Variants in ADGRE3 observed in about 807,000 individuals in gnomAD.
ADGRE3 encodes EGF-like module receptor 3.
ADGRE3 carries 88 observed loss-of-function variants against 80.1 expected under a neutral mutation model. The observed-to-expected ratio is 1.10, with a 90% confidence interval of 0.93 to 1.31. The LOEUF is 1.31. Ranked by LOEUF, ADGRE3 falls within the 40% of genes most tolerant of loss-of-function variation. The pLI is 0.00. For missense variants in ADGRE3, 715 were observed against 776.5 expected, an observed-to-expected ratio of 0.92 and a Z score of 0.94; for synonymous variants, 281 against 294.8, an observed-to-expected ratio of 0.95 and a Z score of 0.48.
At chr19:14,633,334 A>T in intron 11 of ADGRE3, 32 bp from the exon 12 acceptor site, 1 of 1,543,392 alleles carries the variant, frequency 6.5e-7, no homozygotes, top group Non-Finnish European at 8.9e-7. Context: ...ATACAAAGAG[A>T]GATCAGAGAA....
downstream of ADGRE3, among the ~76,000 whole-genome samples, chr19:14,616,213 G>C (rs1208880568): frequency 6.6e-6 from 1 of 152,048 alleles, no homozygotes; most frequent in Non-Finnish European, 1.5e-5. Flanking sequence ...CTCGTGATCT[G>C]CCCATCTCGG....
intron 5 of ADGRE3, among the ~76,000 whole-genome samples, chr19:14,655,978 A>G (rs1291090696): frequency 1.3e-5 from 2 of 152,024 alleles, no homozygotes; most frequent in African/African-American, 4.8e-5. Flanking sequence ...AGAGTTTGTC[A>G]TCTTGCGCCA....
In ADGRE3 at chr19:14,638,304, G is replaced by T; in HGVS notation, c.1285C>A (p.Leu429Ile). ...CSIIAGALHY[L>I]YLAAFTWMLL... Reference sequence around the variant, plus strand: ...ATCCAGGTGAAGGCGGCCAGGTAGAGATAGTGCAAAGCACCGGCGATGATG... The same window carrying T: ...ATCCAGGTGAAGGCGGCCAGGTAGATATAGTGCAAAGCACCGGCGATGATG... The change falls in exon 11 of 16, where the codon CTC becomes ATC. Residue 429 changes from leucine (L) to isoleucine (I), a missense_variant. By Grantham distance (5) the Leu-to-Ile change is conservative (BLOSUM62 2). Coordinates refer to ENST00000253673, the MANE Select transcript of ADGRE3 (RefSeq NM_032571.5). The T allele has an allele frequency of 2.5e-6, 4 of 1,614,166 alleles. No individual in the cohort carries two copies. Among genetic ancestry groups the T allele is most frequent in the Non-Finnish European group, 3.4e-6 (4 of 1,180,008 alleles).
chr19:14,644,357 G>A (rs1305306988), intron 8 of ADGRE3, 82 bp from the exon 9 acceptor site: 1 of 1,110,464 alleles, frequency 9.0e-7, no homozygotes, highest in Non-Finnish European at 1.2e-6. Context: ...ATCTTGCTTT[G>A]TTACTCAGGC....
the ADGRE3 span, among the ~76,000 whole-genome samples, chr19:14,612,588 G>T: frequency 6.6e-6 from 1 of 152,042 alleles, no homozygotes; most frequent in Non-Finnish European, 1.5e-5. Flanking sequence ...GCCCACCTTG[G>T]TCCCCCAAAG....
chr19:14,636,164 T>TCCTTCCTTCCTTTCC (rs1381150522), intron 11 of ADGRE3, among the ~76,000 whole-genome samples: 6 of 71,292 alleles, frequency 8.4e-5, no homozygotes, highest in East Asian at 3.5e-4. Context: ...CTTTCCTCCT[T>TCCTTCCTTCCTTTCC]TCCTTTCCTT....
At chr19:14,601,122 C>T in the ADGRE3 span, among the ~76,000 whole-genome samples, 4 of 151,702 alleles carry the variant, frequency 2.6e-5, no homozygotes, top group South Asian at 4.2e-4. Context: ...AGGCTGTTCT[C>T]GAACTCCTGA....
chr19:14,606,458 C>A, the ADGRE3 span, among the ~76,000 whole-genome samples: 1 of 151,504 alleles, frequency 6.6e-6, no homozygotes, highest in Non-Finnish European at 1.5e-5. Context: ...GCAGGTGAAT[C>A]AACTGAGGTC....
the ADGRE3 span, among the ~76,000 whole-genome samples, chr19:14,609,506 G>A: frequency 6.6e-6 from 1 of 152,158 alleles, no homozygotes; most frequent in South Asian, 2.1e-4. Flanking sequence ...AAAAGAAAGA[G>A]TCCTTGGAAG....
the ADGRE3 span, among the ~76,000 whole-genome samples, chr19:14,607,445 T>A: frequency 2.0e-5 from 3 of 151,644 alleles, no homozygotes; most frequent in Non-Finnish European, 4.4e-5. Context: ...CCTCGTGATC[T>A]GCCCGCCTTG....
intron 5 of ADGRE3, among the ~76,000 whole-genome samples, chr19:14,655,934 A>C (rs142446332): frequency 6.6e-5 from 10 of 152,206 alleles, no homozygotes; most frequent in Non-Finnish European, 1.5e-4. Flanking sequence ...GGTTGCCACT[A>C]TTGAAGCAGC....
chr19:14,664,157 GC>G (rs959771791), intron 2 of ADGRE3, among the ~76,000 whole-genome samples: 2 of 152,120 alleles, frequency 1.3e-5, no homozygotes, highest in African/African-American at 4.8e-5. Context: ...ACAAAAATTA[GC>G]CGGGTGTGGT....
At chr19:14,655,804 A>G (rs566600365) in intron 5 of ADGRE3, among the ~76,000 whole-genome samples, 3 of 151,962 alleles carry the variant, frequency 2.0e-5, no homozygotes, top group African/African-American at 7.2e-5. Context: ...AGGTAGTGAT[A>G]AGTTTGTTAG....
intron 11 of ADGRE3, among the ~76,000 whole-genome samples, chr19:14,634,766 A>G (rs972388244): frequency 7.2e-5 from 11 of 152,212 alleles, no homozygotes; most frequent in East Asian, 3.8e-4. Context: ...ACACTTCTAT[A>G]TCCACTAACA....
Position 14,633,236 on chromosome 19 carries a change from A to G in ADGRE3, c.1551T>C (p.Ser517=). 3.7e-6 allele frequency: 6 copies of G among 1,612,270 alleles called. No individual in the cohort carries two copies. Among genetic ancestry groups the G allele is most frequent in the Non-Finnish European group, 5.1e-6 (6 of 1,178,820 alleles). Residue 517 remains serine, a splice_region_variant and synonymous_variant, in exon 12 of 16, where the codon TCT becomes TCC. Coordinates refer to ENST00000253673, the MANE Select transcript of ADGRE3 (RefSeq NM_032571.5). ...GGGAACATCGAAGGCACATACTCAC[A>G]GAGAAAATGGCACAGACTGGGCCAA... The part of the protein sequence containing the change: ...SFLGPVCAIF[S]ANLVLFILVF...
At chr19:14,632,248 C>A (rs1970904843) in intron 13 of ADGRE3, among the ~76,000 whole-genome samples, 1 of 152,066 alleles carries the variant, frequency 6.6e-6, no homozygotes, top group South Asian at 2.1e-4. Flanking sequence ...TTTAGGGTTT[C>A]TATATAATTT....
chr19:14,654,514 C>T (rs1017017507), intron 6 of ADGRE3, among the ~76,000 whole-genome samples: 119 of 152,214 alleles, frequency 7.8e-4, no homozygotes, highest in African/African-American at 2.7e-3. Flanking sequence ...ACCCTCCCGC[C>T]TCAGCCTCCC....
chr19:14,608,678 GGC>G, the ADGRE3 span, among the ~76,000 whole-genome samples: 476 of 142,530 alleles, frequency 3.3e-3, 5 homozygotes, highest in Middle Eastern at 8.0e-3. Context: ...CTGTTGCCCA[GGC>G]TGAAGTGCAG....
intron 6 of ADGRE3, among the ~76,000 whole-genome samples, chr19:14,654,261 GTTT>G (rs35198087): frequency 2.2e-5 from 3 of 134,250 alleles, no homozygotes; most frequent in African/African-American, 8.4e-5. Context: ...CCCAAAACCT[GTTT>G]TTTTTTTTTT....
Sources: gnomAD v4.1 joint callset for allele counts (sites outside exome capture counted in the v4.1 genomes callset) on GRCh38, gnomAD v4.1.1 for gene constraint, MANE v1.5 for transcripts, NCBI Gene and HGNC (gene_info 2026-07-23, HGNC 2026-07-21) for gene names.